The following ABI3BP variants were observed in gnomAD, a reference collection of about 807,000 sequenced individuals.
The protein encoded by ABI3BP is target of Nesh-SH3.
ABI3BP carries 216 observed loss-of-function variants against 268.6 expected under a neutral mutation model. The ratio of observed to expected loss-of-function variants is 0.80; its 90% CI spans 0.72 to 0.90. The LOEUF (loss-of-function observed/expected upper bound fraction) is 0.90, where lower values mean the gene tolerates loss of function less well. Ranked by LOEUF, ABI3BP falls within the 40% of genes least tolerant of loss-of-function variation. The pLI is 0.00. For missense variants in ABI3BP, 2,090 were observed against 2,182.4 expected, an observed-to-expected ratio of 0.96 and a Z score of 0.84; for synonymous variants, 730 against 730.0, an observed-to-expected ratio of 1.00 and a Z score of 0.00.
intron 1 of ABI3BP, among the ~76,000 whole-genome samples, chr3:100,986,700 C>T (rs1224676164): frequency 1.3e-5 from 2 of 152,104 alleles, no homozygotes; most frequent in Non-Finnish European, 2.9e-5. Flanking sequence ...CTCTTGACCT[C>T]AAGTAATCTG....
chr3:100,904,529 T>G (rs188017909), intron 2 of ABI3BP, among the ~76,000 whole-genome samples: 32 of 152,260 alleles, frequency 2.1e-4, no homozygotes, highest in African/African-American at 7.2e-4. Flanking sequence ...TAGAACAAGG[T>G]AAGTATGTCA....
At chr3:100,837,880 T>C (rs1366987636) in intron 26 of ABI3BP, among the ~76,000 whole-genome samples, 5 of 152,214 alleles carry the variant, frequency 3.3e-5, no homozygotes, top group Admixed American at 6.5e-5. Flanking sequence ...GCCTTCTGTG[T>C]GTACTAACAG....
intron 37 of ABI3BP, 117 bp from the exon 38 acceptor site, chr3:100,822,789 A>AT: frequency 1.2e-6 from 1 of 825,130 alleles, no homozygotes; most frequent in Non-Finnish European, 1.9e-6. Flanking sequence ...TTAGTTCGAG[A>AT]TTTTTGTCAC....
intron 67 of ABI3BP, 22 bp downstream of exon 67, chr3:100,751,530 T>G (rs371783859): frequency 2.2e-5 from 34 of 1,565,870 alleles, no homozygotes; most frequent in Admixed American, 9.4e-5. Flanking sequence ...TCTGTTCTTA[T>G]GAGGAGGATC....
chr3:100,962,359 T>A (rs901444083), intron 1 of ABI3BP, among the ~76,000 whole-genome samples: 1 of 152,218 alleles, frequency 6.6e-6, no homozygotes, highest in Non-Finnish European at 1.5e-5. Flanking sequence ...TTATTCATTC[T>A]CCTTTTTTCC....
intron 1 of ABI3BP, among the ~76,000 whole-genome samples, chr3:100,988,932 T>A (rs1304154004): frequency 2.0e-5 from 3 of 152,242 alleles, no homozygotes; most frequent in Non-Finnish European, 4.4e-5. Context: ...CACAATTTTA[T>A]GCTCTGTAAA....
chr3:100,959,778 G>A (rs1554213577), intron 1 of ABI3BP, among the ~76,000 whole-genome samples: 1 of 152,108 alleles, frequency 6.6e-6, no homozygotes, highest in Non-Finnish European at 1.5e-5. Context: ...GTGGTGCACT[G>A]GGGTAGCCAT....
At chr3:100,830,133 A>G (rs1483812371) in intron 32 of ABI3BP, among the ~76,000 whole-genome samples, 2 of 52,686 alleles carry the variant, frequency 3.8e-5, no homozygotes, top group Non-Finnish European at 1.0e-4. Flanking sequence ...ATATATATAT[A>G]TATATATATA....
intron 18 of ABI3BP, 91 bp from the exon 19 acceptor site, chr3:100,847,764 C>A (rs1347755710): frequency 9.1e-7 from 1 of 1,103,570 alleles, no homozygotes; most frequent in Non-Finnish European, 1.4e-6. Flanking sequence ...ATTTAAAATC[C>A]TGCCATATTT....
chr3:100,831,336 A>G (rs1418277638), intron 31 of ABI3BP, among the ~76,000 whole-genome samples: 1 of 152,172 alleles, frequency 6.6e-6, no homozygotes, highest in Non-Finnish European at 1.5e-5. Context: ...TGTTAACTCC[A>G]GGAGCAGGGA....
chr3:100,782,016 A>G (rs9842968), intron 57 of ABI3BP, among the ~76,000 whole-genome samples: 52,287 of 152,114 alleles, frequency 0.34, 11,805 homozygotes, highest in African/African-American at 0.65. Context: ...ACTTACTGTC[A>G]TCTGATCATT....
chr3:100,845,733 A>G (rs2098758483), intron 20 of ABI3BP, among the ~76,000 whole-genome samples: 1 of 151,878 alleles, frequency 6.6e-6, no homozygotes, highest in African/African-American at 2.4e-5. Flanking sequence ...TGGATTACAG[A>G]TAGATAAAAA....
At chr3:100,968,958 G>C (rs1343975251) in intron 1 of ABI3BP, among the ~76,000 whole-genome samples, 1 of 152,128 alleles carries the variant, frequency 6.6e-6, no homozygotes, top group East Asian at 1.9e-4. Flanking sequence ...TCTTTGAATG[G>C]CAGTTTCTCC....
intron 1 of ABI3BP, among the ~76,000 whole-genome samples, chr3:100,970,028 T>G (rs1167574278): frequency 6.6e-6 from 1 of 152,192 alleles, no homozygotes; most frequent in Non-Finnish European, 1.5e-5. Flanking sequence ...GCTACTCTCA[T>G]AGGTACAGGT....
intron 1 of ABI3BP, among the ~76,000 whole-genome samples, chr3:100,989,389 AG>A (rs2092544280): frequency 6.6e-6 from 1 of 152,232 alleles, no homozygotes; most frequent in South Asian, 2.1e-4. Context: ...ATATACTCAA[AG>A]AATGTTACCT....
At chr3:100,979,513 C>G (rs971475898) in intron 1 of ABI3BP, among the ~76,000 whole-genome samples, 11 of 152,188 alleles carry the variant, frequency 7.2e-5, no homozygotes, top group Non-Finnish European at 1.6e-4. Flanking sequence ...CCTTTAATGC[C>G]TTTTAAATTA....
chr3:100,846,249 A>G, intron 20 of ABI3BP, 123 bp downstream of exon 20: 4 of 713,240 alleles, frequency 5.6e-6, no homozygotes, highest in Admixed American at 2.9e-5. Flanking sequence ...GCATGCTTAC[A>G]CTTTTCATGG....
At position 100,852,031 on chromosome 3, in the gene ABI3BP, T is replaced by C. The variant is rs2098846956; in HGVS notation, c.1286-91A>G. On this transcript the variant is annotated intron_variant, in intron 14 of 67. Coordinates refer to ENST00000471714, the MANE Select transcript of ABI3BP (RefSeq NM_001375547.2). ...AAGATTACATGACATGTTGTAATGC[T>C]GGTTGAAGGACAGTTTTATGTAGGT... 8.5e-6 allele frequency: 10 copies of C among 1,177,734 alleles called. No individual in the cohort carries two copies. In the South Asian group the frequency reaches 1.4e-4, roughly 16 times the overall value. The allele number at this position is 1,177,734 out of a possible 1,614,324, so 73.0% of individuals were successfully genotyped here.
At chr3:100,926,137 T>G (rs2061740538) in intron 2 of ABI3BP, among the ~76,000 whole-genome samples, 165 bp downstream of exon 2, 1 of 152,178 alleles carries the variant, frequency 6.6e-6, no homozygotes, top group South Asian at 2.1e-4. Context: ...ATGTAAAGAA[T>G]TATGCTATGA....
Sources: allele counts gnomAD v4.1 joint callset (sites outside exome capture counted in the v4.1 genomes callset), GRCh38; gene constraint gnomAD v4.1.1; transcripts MANE v1.5; gene names NCBI Gene and HGNC (gene_info 2026-07-23, HGNC 2026-07-21).